Variants in WDR72 observed in about 807,000 individuals in gnomAD.
WDR72 encodes WD repeat domain 72.
In WDR72, 120 loss-of-function variants were observed where a neutral mutation model predicts 124.2. The observed-to-expected ratio is 0.97, with a 90% CI of 0.83 to 1.12. WDR72 has a LOEUF of 1.12. WDR72 is among the 50% of genes most tolerant of loss of function. WDR72 has a pLI of 0.00. For missense variants in WDR72, 1,387 were observed against 1,278.8 expected (o/e 1.08, Z -1.29); for synonymous variants, 452 against 441.7 (o/e 1.02, Z -0.29).
At chr15:53,534,388 T>C (rs1892641234) in intron 18 of WDR72, among the ~76,000 whole-genome samples, 1 of 152,182 alleles carries the variant, frequency 6.6e-6, no homozygotes, top group African/African-American at 2.4e-5. Context: ...GAGTCATGCG[T>C]TGCAAAAGAT....
At chr15:53,727,904 G>A (rs998534184) in intron 2 of WDR72, among the ~76,000 whole-genome samples, 1 of 152,162 alleles carries the variant, frequency 6.6e-6, no homozygotes, top group South Asian at 2.1e-4. Flanking sequence ...CTTAGTCACT[G>A]TCATGATGAA....
At chr15:53,522,352 C>A (rs1051797256) in intron 19 of WDR72, among the ~76,000 whole-genome samples, 3 of 151,868 alleles carry the variant, frequency 2.0e-5, no homozygotes, top group Non-Finnish European at 2.9e-5. Context: ...TGGATCAGCA[C>A]ACAAAGATGT....
intron 13 of WDR72, among the ~76,000 whole-genome samples, chr15:53,682,441 G>C (rs2016425042): frequency 6.6e-6 from 1 of 152,098 alleles, no homozygotes; most frequent in Non-Finnish European, 1.5e-5. Flanking sequence ...CTTCAGTGAT[G>C]CAGTATTAAT....
At chr15:53,582,218 T>G (rs1348940647) in intron 18 of WDR72, among the ~76,000 whole-genome samples, 1 of 152,020 alleles carries the variant, frequency 6.6e-6, no homozygotes, top group Non-Finnish European at 1.5e-5. Context: ...ATGTTTTACA[T>G]ACAGATTCCA....
intron 18 of WDR72, among the ~76,000 whole-genome samples, chr15:53,574,571 C>G (rs1213710717): frequency 6.6e-6 from 1 of 152,044 alleles, no homozygotes; most frequent in African/African-American, 2.4e-5. Context: ...CTTTAGGGTT[C>G]TTTCATACTT....
intron 18 of WDR72, among the ~76,000 whole-genome samples, chr15:53,546,950 T>C (rs1005137141): frequency 6.6e-6 from 1 of 152,132 alleles, no homozygotes; most frequent in African/African-American, 2.4e-5. Flanking sequence ...AGTAGACAAT[T>C]ATAGTAGAAA....
intron 18 of WDR72, among the ~76,000 whole-genome samples, chr15:53,541,352 C>G (rs1487201803): frequency 6.6e-6 from 1 of 152,130 alleles, no homozygotes; most frequent in Non-Finnish European, 1.5e-5. Context: ...CCCGAGCAGC[C>G]TAACTGGGAG....
At chr15:53,566,611 G>A (rs1894304671) in intron 18 of WDR72, among the ~76,000 whole-genome samples, 1 of 151,866 alleles carries the variant, frequency 6.6e-6, no homozygotes, top group African/African-American at 2.4e-5. Flanking sequence ...CACCAGCATG[G>A]ATAGGCTCAT....
intron 13 of WDR72, among the ~76,000 whole-genome samples, chr15:53,683,880 TTGAG>T (rs2016493873): frequency 6.6e-6 from 1 of 152,114 alleles, no homozygotes; most frequent in Non-Finnish European, 1.5e-5. Flanking sequence ...ACTGCTACCA[TTGAG>T]TAATTCAAAA....
At chr15:53,546,938 T>C (rs887502070) in intron 18 of WDR72, among the ~76,000 whole-genome samples, 3 of 151,920 alleles carry the variant, frequency 2.0e-5, no homozygotes, top group Non-Finnish European at 4.4e-5. Flanking sequence ...ATAGAAAGAG[T>C]AAGTAGACAA....
At chr15:53,740,591 A>T (rs1160876704) in intron 1 of WDR72, among the ~76,000 whole-genome samples, 2 of 152,156 alleles carry the variant, frequency 1.3e-5, no homozygotes, top group Non-Finnish European at 2.9e-5. Context: ...CCACGATTCA[A>T]CTAATTTTGA....
At chr15:53,683,873 G>A (rs569437868) in intron 13 of WDR72, among the ~76,000 whole-genome samples, 3 of 152,054 alleles carry the variant, frequency 2.0e-5, no homozygotes, top group Admixed American at 2.0e-4. Flanking sequence ...CAACTGTACT[G>A]CTACCATTGA....
chr15:53,608,546 G>T (rs1275018704), intron 17 of WDR72, among the ~76,000 whole-genome samples: 1 of 152,038 alleles, frequency 6.6e-6, no homozygotes, highest in Non-Finnish European at 1.5e-5. Flanking sequence ...CTTGAGCCCA[G>T]GAATTTGAGA....
chr15:53,722,859 A>T lies in WDR72; in HGVS notation c.203T>A (p.Leu68Ter), dbSNP rs2017916872. 5.6e-6 allele frequency: 9 copies of T among 1,614,136 alleles called. No individual in the cohort carries two copies. Among genetic ancestry groups the T allele is most frequent in the Non-Finnish European group, 7.6e-6 (9 of 1,180,002 alleles). ...LFGHSASVTC[L>*]ARARDFSKQP... is the part of the protein sequence containing the mutation. ...TTTAGAGAAGTCCCTTGCTCTTGCC[A>T]AACATGTTACCGAAGCTGAATGACC... Residue 68 changes from leucine to a stop codon, truncating the protein, a stop_gained, in exon 3 of 20, where the codon TTG (leucine) becomes TAG (stop). Coordinates refer to ENST00000360509, the MANE Select transcript of WDR72 (RefSeq NM_182758.4). LOFTEE classifies it high-confidence loss of function.
At chr15:53,567,887 A>C (rs1031361597) in intron 18 of WDR72, among the ~76,000 whole-genome samples, 9 of 151,652 alleles carry the variant, frequency 5.9e-5, no homozygotes, top group Non-Finnish European at 4.4e-5. Context: ...CAGATAAAAA[A>C]CAAATAATCA....
At chr15:53,625,431 T>G (rs2014165799) in intron 14 of WDR72, among the ~76,000 whole-genome samples, 1 of 152,226 alleles carries the variant, frequency 6.6e-6, no homozygotes, top group Non-Finnish European at 1.5e-5. Context: ...AGAGAAGGTA[T>G]TGTTTACAAT....
At chr15:53,672,911 C>T (rs2016044686) in intron 13 of WDR72, among the ~76,000 whole-genome samples, 1 of 152,094 alleles carries the variant, frequency 6.6e-6, no homozygotes, top group African/African-American at 2.4e-5. Flanking sequence ...GGGCTAATCC[C>T]TTGGGCTCAG....
At chr15:53,625,402 A>T (rs1012902479) in intron 14 of WDR72, among the ~76,000 whole-genome samples, 1 of 152,208 alleles carries the variant, frequency 6.6e-6, no homozygotes, top group Non-Finnish European at 1.5e-5. Context: ...TACTCTCTGA[A>T]ATCCCAGGTT....
chr15:53,606,426 G>C (rs1248848498), intron 17 of WDR72, among the ~76,000 whole-genome samples: 1 of 152,140 alleles, frequency 6.6e-6, no homozygotes, highest in South Asian at 2.1e-4. Context: ...CATTAAATAT[G>C]TATTGACTGC....
Sources: allele counts gnomAD v4.1 joint callset (sites outside exome capture counted in the v4.1 genomes callset), GRCh38; gene constraint gnomAD v4.1.1; transcripts MANE v1.5; gene names NCBI Gene and HGNC (gene_info 2026-07-23, HGNC 2026-07-21).